The following TRPC4AP variants were observed in gnomAD, a reference collection of about 807,000 sequenced individuals.
The protein encoded by TRPC4AP is short transient receptor potential channel 4-associated protein.
A neutral mutation model predicts 99.0 loss-of-function variants in TRPC4AP; 45 were observed. That is an observed-to-expected ratio of 0.45 (90% CI 0.36 to 0.58). TRPC4AP has a LOEUF of 0.58. Ranked by LOEUF, TRPC4AP falls within the 20% of genes least tolerant of loss-of-function variation. The pLI is 0.00. For missense variants in TRPC4AP, 879 were observed against 985.3 expected (o/e 0.89, Z 1.44); for synonymous variants, 408 against 385.8 (o/e 1.06, Z -0.67).
chr20:35,055,084 A>C, intron 4 of TRPC4AP, 53 bp from the exon 5 acceptor site: 1 of 1,501,080 alleles, frequency 6.7e-7, no homozygotes, highest in African/African-American at 1.4e-5. Context: ...AAGATAGTAC[A>C]ACAGTTACCA....
In TRPC4AP at chr20:35,035,236, G is replaced by T. The variant is rs201995082; in HGVS notation, c.938C>A (p.Thr313Lys). ...CTCCTGAAGGAAGCTGGCTGTGCCC[G>T]TTGACTCTGACACCTTTCGAGTCGC... ...KLATRKVSESTGTASFLQELE... is the reference protein window; with the variant it reads ...KLATRKVSESKGTASFLQELE... The change falls in exon 8 of 19, where the codon ACG becomes AAG. Residue 313 changes from threonine (T) to lysine (K), a missense_variant. Coordinates refer to ENST00000252015, the MANE Select transcript of TRPC4AP (RefSeq NM_015638.3). The T allele has an allele frequency of 6.2e-7, 1 of 1,614,098 alleles. No homozygotes were observed. Among genetic ancestry groups the T allele is most frequent in the Non-Finnish European group, 8.5e-7 (1 of 1,180,032 alleles).
chr20:35,014,585 A>G (rs762399088), intron 10 of TRPC4AP, among the ~76,000 whole-genome samples: 3 of 152,228 alleles, frequency 2.0e-5, no homozygotes, highest in Non-Finnish European at 4.4e-5. Flanking sequence ...GAAAAAAGAT[A>G]TTAACATCAT....
chr20:35,029,277 AG>A (rs1219666917), intron 8 of TRPC4AP, among the ~76,000 whole-genome samples: 10 of 152,266 alleles, frequency 6.6e-5, no homozygotes, highest in African/African-American at 2.2e-4. Context: ...CAGCCTCTCC[AG>A]CTTTCTCGTG....
chr20:35,025,240 G>C (rs1049454872), intron 8 of TRPC4AP, among the ~76,000 whole-genome samples: 3 of 152,098 alleles, frequency 2.0e-5, no homozygotes, highest in Admixed American at 6.5e-5. Flanking sequence ...TAAGTGCAGT[G>C]GCAGGATCAC....
intron 7 of TRPC4AP, among the ~76,000 whole-genome samples, chr20:35,042,617 G>A (rs754482008): frequency 2.0e-4 from 31 of 152,202 alleles, no homozygotes; most frequent in Admixed American, 1.7e-3. Flanking sequence ...ATAGGTTTTT[G>A]TATTAACAAT....
At chr20:35,039,878 C>A (rs2147348540) in intron 7 of TRPC4AP, among the ~76,000 whole-genome samples, 1 of 151,514 alleles carries the variant, frequency 6.6e-6, no homozygotes, top group East Asian at 2.0e-4. Flanking sequence ...AAAATAATGA[C>A]TTACGCTATC....
intron 2 of TRPC4AP, among the ~76,000 whole-genome samples, chr20:35,070,487 T>G (rs1046947147): frequency 1.2e-4 from 19 of 152,016 alleles, no homozygotes; most frequent in African/African-American, 4.1e-4. Flanking sequence ...CTCGGCTCAC[T>G]GCAAGCTCTG....
intron 3 of TRPC4AP, among the ~76,000 whole-genome samples, chr20:35,062,456 A>G (rs2084030461): frequency 6.6e-6 from 1 of 152,242 alleles, no homozygotes; most frequent in Admixed American, 6.5e-5. Context: ...GAATGGATAA[A>G]TAAGATGTGG....
chr20:35,086,487 A>ATGTGTGTG (rs1569157697), intron 1 of TRPC4AP, among the ~76,000 whole-genome samples: 4 of 84,366 alleles, frequency 4.7e-5, no homozygotes, highest in African/African-American at 8.7e-5. Flanking sequence ...ATGTGTGTGT[A>ATGTGTGTG]TATATATATG....
chr20:35,080,805 T>TTTTC (rs112141213), intron 1 of TRPC4AP, among the ~76,000 whole-genome samples: 6 of 139,090 alleles, frequency 4.3e-5, no homozygotes, highest in African/African-American at 9.0e-5. Context: ...TACACTTCAG[T>TTTTC]TTTTTTTTTT....
At position 35,006,593 on chromosome 20, in the gene TRPC4AP, G is replaced by C. The variant is rs1232385935; in HGVS notation, c.1687-18C>G. The C allele has an allele frequency of 6.2e-7, 1 of 1,609,742 alleles. No homozygotes were observed. The highest frequency in any genetic ancestry group is 8.5e-7 in the Non-Finnish European group (1 of 1,176,762). On this transcript the variant is annotated intron_variant, in intron 14 of 18. Transcript: ENST00000252015. ...AGGATGTGCTGGGTGAGGAGGGACA[G>C]GGTGAAGGTGTCAACGTGGCTGCCC...
At chr20:35,063,539 C>G (rs1286918619) in intron 3 of TRPC4AP, among the ~76,000 whole-genome samples, 1 of 152,080 alleles carries the variant, frequency 6.6e-6, no homozygotes, top group South Asian at 2.1e-4. Flanking sequence ...CAAGAATTAA[C>G]TTTATGTAAA....
Position 35,010,248 on chromosome 20 carries a change from G to A in TRPC4AP, c.1450C>T (p.Leu484Phe). The change falls in exon 12 of 19, where the codon CTC becomes TTC. Residue 484 changes from leucine (L) to phenylalanine (F), a missense_variant. Leu to Phe is a conservative substitution (Grantham distance 22). This residue lies in a region of TRPC4AP where 603 missense variants were observed against 631.8 expected (regional missense o/e 0.95). Coordinates refer to ENST00000252015, the MANE Select transcript of TRPC4AP (RefSeq NM_015638.3). Reference protein sequence around the residue: ...LLLNNQELNELSAISLKANIP... With the variant: ...LLLNNQELNEFSAISLKANIP... ...TTGGCCTTGAGAGAGATGGCACTGA[G>A]TTCATTCAGCTCCTGGTTGTTGAGT... 1 of 1,614,226 alleles carries A rather than the reference G, an allele frequency of 6.2e-7. No homozygotes were observed. The highest frequency in any genetic ancestry group is 8.5e-7 in the Non-Finnish European group (1 of 1,180,042).
chr20:35,071,854 C>T (rs940243383), intron 2 of TRPC4AP, among the ~76,000 whole-genome samples: 1 of 152,170 alleles, frequency 6.6e-6, no homozygotes, highest in African/African-American at 2.4e-5. Flanking sequence ...CTTGAGGAAT[C>T]GCCACACTGT....
At position 35,044,647 on chromosome 20, in the gene TRPC4AP, C is replaced by T. The variant is rs2083517812; in HGVS notation, c.723G>A (p.Gln241=). The T allele has an allele frequency of 1.9e-6, 3 of 1,614,040 alleles. No homozygotes were observed. Among genetic ancestry groups the T allele is most frequent in the Non-Finnish European group, 2.5e-6 (3 of 1,180,042 alleles). The change falls in exon 7 of 19, where the codon CAG becomes CAA. Residue 241 remains glutamine (Q), a synonymous_variant. Transcript: ENST00000252015. ...CCAGAATCCGGCAGAAATTAGCGAGCTGCTGCTGATCGAAATTGGATACTA... is the reference window on the plus strand; with the variant it reads ...CCAGAATCCGGCAGAAATTAGCGAGTTGCTGCTGATCGAAATTGGATACTA... ...SSLVSNFDQQ[Q]LANFCRILAV...
At position 35,069,405 on chromosome 20, in the gene TRPC4AP, G is replaced by T. The variant is rs756349785; in HGVS notation, c.305C>A (p.Ser102Tyr). Reference protein sequence around the residue: ...VECQNILKEISPLLSMEAMAF... With the variant: ...VECQNILKEIYPLLSMEAMAF... ...CATAGCCTCCATGGAGAGAAGAGGA[G>T]AAATTTCCTAGTTTTTTTAAAAAAA... Residue 102 changes from serine to tyrosine, a missense_variant, in exon 3 of 19, where the codon TCT becomes TAT. Around this residue, in one of 3 missense-constraint regions of TRPC4AP, gnomAD observed 603 missense variants for 631.8 expected, o/e 0.95. Transcript: ENST00000252015. 1 of 1,601,268 alleles carries T rather than the reference G, an allele frequency of 6.2e-7. No homozygotes were observed. Among genetic ancestry groups the T allele is most frequent in the African/African-American group, 1.3e-5 (1 of 74,458 alleles).
At chr20:35,043,390 G>C (rs1417177034) in intron 7 of TRPC4AP, among the ~76,000 whole-genome samples, 1 of 152,042 alleles carries the variant, frequency 6.6e-6, no homozygotes, top group Non-Finnish European at 1.5e-5. Context: ...GGGACTACAG[G>C]CGTGCACCAC....
chr20:35,060,219 C>T (rs1294342697), intron 3 of TRPC4AP, among the ~76,000 whole-genome samples: 1 of 152,080 alleles, frequency 6.6e-6, no homozygotes, highest in Non-Finnish European at 1.5e-5. Flanking sequence ...CACAAGAAAA[C>T]TACAGATGAG....
intron 3 of TRPC4AP, among the ~76,000 whole-genome samples, chr20:35,059,742 CGAAGAA>C (rs367598874): frequency 6.7e-6 from 1 of 149,154 alleles, no homozygotes; most frequent in Non-Finnish European, 1.5e-5. Context: ...AAGACTACGA[CGAAGAA>C]GAAGAAGACG....
Sources: gnomAD v4.1 joint callset for allele counts (sites outside exome capture counted in the v4.1 genomes callset) on GRCh38, gnomAD v4.1.1 for gene constraint, gnomAD v4.1.1 regional missense constraint, MANE v1.5 for transcripts, NCBI Gene and HGNC (gene_info 2026-07-23, HGNC 2026-07-21) for gene names.